CNTNAP4: variants seen among roughly 807,000 people sequenced by gnomAD.
The protein encoded by CNTNAP4 is contactin-associated protein-like 4.
In CNTNAP4, 98 loss-of-function variants were observed where a neutral mutation model predicts 148.4. The ratio of observed to expected loss-of-function variants is 0.66; its 90% CI spans 0.56 to 0.78. The LOEUF (loss-of-function observed/expected upper bound fraction) is 0.78. Ranked by LOEUF, CNTNAP4 falls within the 30% of genes least tolerant of loss-of-function variation. The pLI is 0.00. For missense variants in CNTNAP4, 1,935 were observed against 1,565.6 expected (o/e 1.24, Z -3.98); for synonymous variants, 730 against 565.1 (o/e 1.29, Z -4.14).
chr16:76,419,050 G>A (rs1172658869), intron 3 of CNTNAP4, among the ~76,000 whole-genome samples: 1 of 151,994 alleles, frequency 6.6e-6, no homozygotes, highest in Non-Finnish European at 1.5e-5. Context: ...CGATGTGTAA[G>A]AGGAGCAATG....
chr16:76,324,235 G>C (rs908687924), intron 2 of CNTNAP4, among the ~76,000 whole-genome samples: 4 of 152,118 alleles, frequency 2.6e-5, no homozygotes, highest in Non-Finnish European at 4.4e-5. Context: ...AACTGAAATC[G>C]ATACAGTGGC....
chr16:76,488,697 G>T (rs2143765989), intron 12 of CNTNAP4, among the ~76,000 whole-genome samples: 1 of 152,238 alleles, frequency 6.6e-6, no homozygotes, highest in Non-Finnish European at 1.5e-5. Flanking sequence ...CTTTCACTCT[G>T]TTTTCTTGTC....
At chr16:76,496,018 T>TGTTATATCATACATCAAG (rs2082387817) in intron 14 of CNTNAP4, among the ~76,000 whole-genome samples, 1 of 152,038 alleles carries the variant, frequency 6.6e-6, no homozygotes. Flanking sequence ...ATCAAGATTA[T>TGTTATATCATACATCAAG]GTTATATCAT....
At chr16:76,513,820 T>G (rs2083125063) in intron 15 of CNTNAP4, among the ~76,000 whole-genome samples, 2 of 152,210 alleles carry the variant, frequency 1.3e-5, no homozygotes, top group Non-Finnish European at 2.9e-5. Context: ...GACTTTTGAC[T>G]TTAACCGTGT....
chr16:76,477,865 A>C (rs67587885), intron 11 of CNTNAP4, among the ~76,000 whole-genome samples: 14,953 of 152,122 alleles, frequency 0.098, 897 homozygotes, highest in South Asian at 0.2. Flanking sequence ...ATATAAACCA[A>C]ACAACTCTGA....
chr16:76,515,010 G>T (rs1294897392), intron 15 of CNTNAP4, among the ~76,000 whole-genome samples: 2 of 152,074 alleles, frequency 1.3e-5, no homozygotes, highest in African/African-American at 4.8e-5. Context: ...ATTTCCTGTA[G>T]GGCTAGGAAA....
chr16:76,503,290 G>A (rs904314774), intron 15 of CNTNAP4, among the ~76,000 whole-genome samples: 4 of 152,050 alleles, frequency 2.6e-5, no homozygotes, highest in African/African-American at 9.7e-5. Flanking sequence ...GGAATTCAAG[G>A]CATTTATTAA....
chr16:76,512,670 C>A (rs1187789143), intron 15 of CNTNAP4, among the ~76,000 whole-genome samples: 1 of 151,940 alleles, frequency 6.6e-6, no homozygotes, highest in African/African-American at 2.4e-5. Context: ...ATGTTTAAAG[C>A]CACAAGATGG....
At position 76,467,441 on chromosome 16, in the gene CNTNAP4, G is replaced by A. The variant is rs753820615; in HGVS notation, c.1573G>A (p.Val525Met). ...CMRLISISGKVVDLISVQQGS... is the reference protein window; with the variant it reads ...CMRLISISGKMVDLISVQQGS... ...GAGGCTCATTTCTATCAGCGGCAAA[G>A]TGGTAGATCTGATTTCAGTTCAGCA... Residue 525 changes from valine (V) to methionine (M), a missense_variant, in exon 10 of 24, where the codon GTG becomes ATG. Coordinates refer to ENST00000611870, the MANE Select transcript of CNTNAP4 (RefSeq NM_033401.5). 6.2e-7 allele frequency: 1 copy of A among 1,613,884 alleles called. No individual in the cohort carries two copies. Among genetic ancestry groups the A allele is most frequent in the Non-Finnish European group, 8.5e-7 (1 of 1,179,838 alleles).
chr16:76,476,127 T>A (rs565788675), intron 11 of CNTNAP4, 82 bp downstream of exon 11: 2 of 903,086 alleles, frequency 2.2e-6, no homozygotes, highest in Non-Finnish European at 3.6e-6. Flanking sequence ...TGTGTATATA[T>A]GTCTGTTCTG....
intron 17 of CNTNAP4, among the ~76,000 whole-genome samples, chr16:76,522,634 C>CTTTCTTCCTTCCTTCT (rs1555590969): frequency 8.2e-5 from 6 of 73,032 alleles, no homozygotes; most frequent in African/African-American, 2.6e-4. Context: ...TCCTTCCTTC[C>CTTTCTTCCTTCCTTCT]TTCTTTCTTT....
intron 3 of CNTNAP4, among the ~76,000 whole-genome samples, chr16:76,362,890 C>T (rs1376164280): frequency 6.6e-6 from 1 of 151,964 alleles, no homozygotes; most frequent in Non-Finnish European, 1.5e-5. Context: ...ACATGTATGC[C>T]TGAACCTAAA....
At chr16:76,445,414 CT>C (rs747351887) in intron 4 of CNTNAP4, among the ~76,000 whole-genome samples, 1 of 152,228 alleles carries the variant, frequency 6.6e-6, no homozygotes, top group East Asian at 1.9e-4. Flanking sequence ...ATCCCAGAAT[CT>C]GGCACACTGA....
chr16:76,317,451 T>C (rs1226031816), intron 2 of CNTNAP4, among the ~76,000 whole-genome samples: 3 of 152,180 alleles, frequency 2.0e-5, no homozygotes, highest in Non-Finnish European at 4.4e-5. Flanking sequence ...AGTGTCACTG[T>C]GATCTCTTTT....
chr16:76,433,400 T>C (rs2079687480), intron 4 of CNTNAP4, among the ~76,000 whole-genome samples: 1 of 152,202 alleles, frequency 6.6e-6, no homozygotes, highest in South Asian at 2.1e-4. Flanking sequence ...ATGGATCATA[T>C]TTAATAAATT....
intron 17 of CNTNAP4, among the ~76,000 whole-genome samples, chr16:76,530,339 TAATTAC>T: frequency 6.6e-6 from 1 of 152,318 alleles, no homozygotes; most frequent in South Asian, 2.1e-4. Flanking sequence ...TTGTTTATCT[TAATTAC>T]GCACTTCTCC....
At chr16:76,359,812 T>C (rs1300810440) in intron 3 of CNTNAP4, among the ~76,000 whole-genome samples, 3 of 152,362 alleles carry the variant, frequency 2.0e-5, no homozygotes, top group African/African-American at 7.2e-5. Context: ...CTTCAGTTTA[T>C]TGTACATGAT....
chr16:76,367,705 A>T (rs193073361), intron 3 of CNTNAP4, among the ~76,000 whole-genome samples: 8 of 152,340 alleles, frequency 5.3e-5, no homozygotes, highest in Admixed American at 3.9e-4. Context: ...ATATCCCAAT[A>T]ACTGTCACTG....
At chr16:76,516,826 G>T (rs2083270578) in intron 15 of CNTNAP4, among the ~76,000 whole-genome samples, 1 of 152,222 alleles carries the variant, frequency 6.6e-6, no homozygotes, top group Non-Finnish European at 1.5e-5. Flanking sequence ...CACTTTGGGA[G>T]GCCAAGGTGG....
Sources: allele counts gnomAD v4.1 joint callset (sites outside exome capture counted in the v4.1 genomes callset), GRCh38; gene constraint gnomAD v4.1.1; transcripts MANE v1.5; gene names NCBI Gene and HGNC (gene_info 2026-07-23, HGNC 2026-07-21).